Variants in PTPRD observed in about 807,000 individuals in gnomAD.
The protein encoded by PTPRD is protein tyrosine phosphatase receptor type D.
In PTPRD, 34 loss-of-function variants were observed where a neutral mutation model predicts 214.5. The observed-to-expected ratio is 0.16, with a 90% confidence interval of 0.12 to 0.21. PTPRD has a LOEUF of 0.21. Among genes scored for constraint, PTPRD ranks in the 10% least tolerant of loss-of-function variants. The pLI, the probability that PTPRD is intolerant of heterozygous loss-of-function variation, is 1.00. For missense variants in PTPRD, 2,545 were observed against 2,398.7 expected (o/e 1.06, Z -1.27); for synonymous variants, 1,128 against 845.7 (o/e 1.33, Z -5.79).
At chr9:10,572,251 T>C (rs2067695253) in intron 2 of PTPRD, among the ~76,000 whole-genome samples, 1 of 152,124 alleles carries the variant, frequency 6.6e-6, no homozygotes, top group Non-Finnish European at 1.5e-5. Flanking sequence ...AAAATGAGTG[T>C]TTTAAAGCTG....
At chr9:9,946,684 A>G (rs1408497140) in intron 4 of PTPRD, among the ~76,000 whole-genome samples, 2 of 152,112 alleles carry the variant, frequency 1.3e-5, no homozygotes, top group East Asian at 3.9e-4. Flanking sequence ...GCTTGATCAG[A>G]GGAAAAACTG....
At chr9:9,047,844 C>T (rs1002206420) in intron 10 of PTPRD, among the ~76,000 whole-genome samples, 1 of 151,898 alleles carries the variant, frequency 6.6e-6, no homozygotes, top group African/African-American at 2.4e-5. Flanking sequence ...TGAGGAATAC[C>T]CACAAACCAA....
intron 44 of PTPRD, among the ~76,000 whole-genome samples, chr9:8,326,057 T>A (rs567354262): frequency 7.2e-5 from 11 of 152,206 alleles, no homozygotes; most frequent in Non-Finnish European, 1.3e-4. Context: ...TGAATAACAT[T>A]TATTTCTTTC....
At chr9:10,431,434 T>A (rs2098677378) in intron 2 of PTPRD, among the ~76,000 whole-genome samples, 1 of 151,922 alleles carries the variant, frequency 6.6e-6, no homozygotes, top group Admixed American at 6.6e-5. Context: ...AATTGACAAG[T>A]GGGATCTAAT....
At chr9:8,853,080 AAAGCAAATGGGTAATTTATT>A (rs2154543475) in intron 11 of PTPRD, among the ~76,000 whole-genome samples, 1 of 152,338 alleles carries the variant, frequency 6.6e-6, no homozygotes, top group South Asian at 2.1e-4. Context: ...TGATTTCTTG[AAAGCAAATGGGTAATTTATT>A]AAGGGGGAAA....
chr9:8,370,058 A>T (rs1173412509), intron 39 of PTPRD, among the ~76,000 whole-genome samples: 1 of 152,148 alleles, frequency 6.6e-6, no homozygotes, highest in Admixed American at 6.6e-5. Flanking sequence ...TTCTAAGTGG[A>T]AGACTAAGAC....
chr9:9,779,383 C>T (rs538578184), intron 5 of PTPRD, among the ~76,000 whole-genome samples: 1 of 152,148 alleles, frequency 6.6e-6, no homozygotes, highest in South Asian at 2.1e-4. Context: ...AGCTTCTGCA[C>T]AGCGAAAGAA....
intron 2 of PTPRD, among the ~76,000 whole-genome samples, chr9:10,509,932 G>T (rs1009294244): frequency 1.4e-4 from 21 of 151,878 alleles, no homozygotes; most frequent in African/African-American, 4.8e-4. Flanking sequence ...ATGCCAATGA[G>T]CATCACGAGG....
chr9:8,542,961 A>G (rs2078875532), intron 14 of PTPRD, among the ~76,000 whole-genome samples: 1 of 152,200 alleles, frequency 6.6e-6, no homozygotes, highest in African/African-American at 2.4e-5. Context: ...GTTTCTCCCT[A>G]GCCAGAAAAG....
chr9:8,331,137 C>T (rs1378869905), intron 44 of PTPRD, among the ~76,000 whole-genome samples: 1 of 151,874 alleles, frequency 6.6e-6, no homozygotes, highest in African/African-American at 2.4e-5. Context: ...ACTGAGGTAC[C>T]ATACTAAGCA....
intron 2 of PTPRD, among the ~76,000 whole-genome samples, chr9:10,536,312 TGTAA>T (rs2057788454): frequency 6.6e-6 from 1 of 152,144 alleles, no homozygotes; most frequent in African/African-American, 2.4e-5. Flanking sequence ...GAAATTCTCT[TGTAA>T]GTCACAGAAT....
intron 8 of PTPRD, among the ~76,000 whole-genome samples, chr9:9,540,153 C>A (rs1436006549): frequency 6.6e-6 from 1 of 151,808 alleles, no homozygotes; most frequent in Non-Finnish European, 1.5e-5. Flanking sequence ...ACTTTGGCAT[C>A]TTAGTACTCC....
Position 10,316,113 on chromosome 9 carries a change from C to CTA in PTPRD, c.-545+24848_-545+24849dup, listed in dbSNP as rs3076319. Among the ~76,000 whole-genome samples, 267 of 142,928 alleles carry CTA rather than the reference C, an allele frequency of 1.9e-3. 1 individual carries two copies. The highest frequency in any genetic ancestry group is 0.013 in the South Asian group (60 of 4,608). 93.8% of individuals were successfully genotyped at this position (142,928 alleles called of 152,430 possible). On this transcript the variant is annotated intron_variant, in intron 3 of 45. Coordinates refer to ENST00000381196, the MANE Select transcript of PTPRD (RefSeq NM_002839.4). ...GCTAAGGTAATTTATGTGTATGTGTCTATATATATATATATACATATATAC... is the reference window on the plus strand; with the variant it reads ...GCTAAGGTAATTTATGTGTATGTGTCTATATATATATATATATACATATATAC...
At chr9:8,706,305 T>C (rs1000720064) in intron 12 of PTPRD, among the ~76,000 whole-genome samples, 3 of 152,210 alleles carry the variant, frequency 2.0e-5, no homozygotes, top group African/African-American at 7.2e-5. Context: ...GTAAAACAAC[T>C]TCTTACCGCT....
At chr9:9,648,589 C>A (rs1194882790) in intron 7 of PTPRD, among the ~76,000 whole-genome samples, 1 of 152,134 alleles carries the variant, frequency 6.6e-6, no homozygotes, top group Non-Finnish European at 1.5e-5. Context: ...TAATCATAAT[C>A]TCATGTGGGT....
rs533713014 is a variant in PTPRD, at chr9:10,208,414, T to C, written c.-545+132549A>G. 2.2e-4 allele frequency among the ~76,000 whole-genome samples: 34 copies of C among 152,284 alleles called. 1 individual carries two copies. The South Asian group carries it at 6.6e-3, about 30-fold the overall frequency. On this transcript the variant is annotated intron_variant, in intron 3 of 45. Coordinates refer to ENST00000381196, the MANE Select transcript of PTPRD (RefSeq NM_002839.4). ...CTGTAGTCCCAGCTACTCGGGAGGC[T>C]GAGGCAGGAGAAGGGCGTGAACCCG...
chr9:10,146,967 A>AT (rs1240072802), intron 3 of PTPRD, among the ~76,000 whole-genome samples: 3 of 152,076 alleles, frequency 2.0e-5, no homozygotes, highest in African/African-American at 7.2e-5. Context: ...AGATCCAGAC[A>AT]TGTAGGTGGC....
Position 8,436,646 on chromosome 9 carries a change from G to A in PTPRD, c.4032C>T (p.Asp1344=), listed in dbSNP as rs778457288. The A allele has an allele frequency of 1.9e-6, 3 of 1,613,530 alleles. No individual in the cohort carries two copies. Among genetic ancestry groups the A allele is most frequent in the Non-Finnish European group, 2.5e-6 (3 of 1,179,738 alleles). The change falls in exon 35 of 46, where the codon GAC becomes GAT. Residue 1344 remains aspartate (D), a synonymous_variant. Transcript: ENST00000381196. ...HPPIPILELA[D]HIERLKANDN... is the part of the protein sequence containing the mutation. Reference sequence around the variant, plus strand: ...CATTTGCTTTCAATCTTTCAATGTGGTCTGCAAGTTCCAAGATGGGTATTG... The same window carrying A: ...CATTTGCTTTCAATCTTTCAATGTGATCTGCAAGTTCCAAGATGGGTATTG...
At chr9:10,117,986 C>A (rs2098744408) in intron 3 of PTPRD, among the ~76,000 whole-genome samples, 1 of 151,956 alleles carries the variant, frequency 6.6e-6, no homozygotes, top group Admixed American at 6.6e-5. Flanking sequence ...TTACCTGATA[C>A]TTTCCCCCCT....
Sources: allele counts gnomAD v4.1 joint callset (sites outside exome capture counted in the v4.1 genomes callset), GRCh38; gene constraint gnomAD v4.1.1; transcripts MANE v1.5; gene names NCBI Gene and HGNC (gene_info 2026-07-23, HGNC 2026-07-21).